SLC8A1: variants seen among roughly 807,000 people sequenced by gnomAD.
SLC8A1 encodes solute carrier family 8 member A1.
Under a neutral mutation model 68.3 loss-of-function variants are expected in SLC8A1, and 18 were observed. That is an observed-to-expected ratio of 0.26 (90% CI 0.18 to 0.39). The LOEUF (loss-of-function observed/expected upper bound fraction) is 0.39. Among genes scored for constraint, SLC8A1 ranks in the 10% least tolerant of loss-of-function variants. SLC8A1 has a pLI of 1.00. For synonymous variants in SLC8A1, 475 were observed against 415.5 expected (o/e 1.14, Z -1.74); for missense variants, 985 against 1,156.7 (o/e 0.85, Z 2.15).
At chr2:40,425,744 C>T (rs1038286876) in intron 2 of SLC8A1, among the ~76,000 whole-genome samples, 1 of 151,802 alleles carries the variant, frequency 6.6e-6, no homozygotes, top group Admixed American at 6.6e-5. Context: ...CGATGACAAA[C>T]TCTTTCACTT....
intron 2 of SLC8A1, among the ~76,000 whole-genome samples, chr2:40,408,085 G>A (rs1425717172): frequency 1.3e-5 from 2 of 152,194 alleles, no homozygotes; most frequent in Non-Finnish European, 2.9e-5. Flanking sequence ...CAGAATGTCA[G>A]TTTAGCCACA....
intron 6 of SLC8A1, among the ~76,000 whole-genome samples, chr2:40,143,352 A>G (rs1446273510): frequency 6.6e-6 from 1 of 152,254 alleles, no homozygotes; most frequent in Non-Finnish European, 1.5e-5. Flanking sequence ...AGCAAAAATG[A>G]TGGTAGGATG....
intron 3 of SLC8A1, chr2:40,175,983 CCTT>C: frequency 2.2e-6 from 1 of 449,724 alleles, no homozygotes; most frequent in Non-Finnish European, 4.5e-6. Flanking sequence ...TAACCAGAAT[CCTT>C]CTAGTGGACA....
intron 2 of SLC8A1, among the ~76,000 whole-genome samples, chr2:40,210,845 G>A (rs1377703282): frequency 6.6e-6 from 1 of 152,116 alleles, no homozygotes; most frequent in Non-Finnish European, 1.5e-5. Context: ...AAGGCCTGTT[G>A]ACCTTTACCT....
chr2:40,337,460 A>T (rs950150014), intron 2 of SLC8A1: 4 of 222,066 alleles, frequency 1.8e-5, no homozygotes, highest in African/African-American at 8.9e-5. Flanking sequence ...GAAGTCAGGT[A>T]AAAAAAGGAA....
chr2:40,311,501 G>C (rs1056607505), intron 2 of SLC8A1, among the ~76,000 whole-genome samples: 3 of 152,020 alleles, frequency 2.0e-5, no homozygotes, highest in Non-Finnish European at 4.4e-5. Flanking sequence ...GAACTCAAAA[G>C]TTTAGTAACA....
chr2:40,312,073 A>T (rs988399435), intron 2 of SLC8A1, among the ~76,000 whole-genome samples: 3 of 152,092 alleles, frequency 2.0e-5, no homozygotes, highest in African/African-American at 7.2e-5. Flanking sequence ...TAGACAAAAA[A>T]TTCATGGTTA....
chr2:40,431,897 C>A (rs1372390821), intron 1 of SLC8A1, among the ~76,000 whole-genome samples: 1 of 152,116 alleles, frequency 6.6e-6, no homozygotes, highest in African/African-American at 2.4e-5. Flanking sequence ...CCACCATAGA[C>A]TAAAGCCCTT....
chr2:40,400,473 A>C (rs1384452044), intron 2 of SLC8A1, among the ~76,000 whole-genome samples: 1 of 152,220 alleles, frequency 6.6e-6, no homozygotes, highest in Admixed American at 6.5e-5. Context: ...TGGCAAATGT[A>C]TTTCAAATCA....
At chr2:40,337,160 A>G (rs140405427) in intron 2 of SLC8A1, among the ~76,000 whole-genome samples, 1 of 152,210 alleles carries the variant, frequency 6.6e-6, no homozygotes, top group Non-Finnish European at 1.5e-5. Flanking sequence ...CATAGTTTAC[A>G]GTGCTGTGTA....
Position 40,267,355 on chromosome 2 carries a change from G to T in SLC8A1, c.1809-89500C>A, listed in dbSNP as rs866288705. ...CTAGAAAGTTAGTAACATATACTTA[G>T]TGAGTAAGCTTGTAACACATACGAG... On this transcript the variant is annotated intron_variant, in intron 2 of 7. Transcript: ENST00000406785. Among the ~76,000 whole-genome samples, 3 of 152,190 alleles carry T rather than the reference G, an allele frequency of 2.0e-5. No homozygotes were observed. In the South Asian group the frequency reaches 6.2e-4, roughly 31 times the overall value.
chr2:40,373,514 G>T (rs1678821587), intron 2 of SLC8A1, among the ~76,000 whole-genome samples: 2 of 152,012 alleles, frequency 1.3e-5, no homozygotes, highest in Non-Finnish European at 2.9e-5. Context: ...TGGGAGGTGG[G>T]GACTAAGAGC....
chr2:40,156,356 TGGA>T (rs1445550651), intron 6 of SLC8A1, among the ~76,000 whole-genome samples: 2 of 150,808 alleles, frequency 1.3e-5, no homozygotes, highest in African/African-American at 4.9e-5. Flanking sequence ...CCAAAACTGC[TGGA>T]GTTTTTTTTT....
intron 2 of SLC8A1, among the ~76,000 whole-genome samples, chr2:40,241,205 G>A (rs1001524496): frequency 1.3e-5 from 2 of 152,088 alleles, no homozygotes; most frequent in Non-Finnish European, 1.5e-5. Context: ...GCAGTGATAT[G>A]GATGCAAGTG....
At chr2:40,410,471 TTAGAGA>T (rs1441661778) in intron 2 of SLC8A1, among the ~76,000 whole-genome samples, 2 of 152,028 alleles carry the variant, frequency 1.3e-5, no homozygotes, top group South Asian at 2.1e-4. Context: ...GAAGAAAACT[TTAGAGA>T]TAATCTATTT....
At chr2:40,374,688 T>A (rs1679230070) in intron 2 of SLC8A1, among the ~76,000 whole-genome samples, 1 of 151,936 alleles carries the variant, frequency 6.6e-6, no homozygotes, top group Non-Finnish European at 1.5e-5. Context: ...TTTCCCAGCC[T>A]GGCCTGACAC....
intron 2 of SLC8A1, among the ~76,000 whole-genome samples, chr2:40,204,488 C>G (rs1167648683): frequency 6.6e-6 from 1 of 151,898 alleles, no homozygotes; most frequent in Non-Finnish European, 1.5e-5. Flanking sequence ...GAAAAACAAC[C>G]ATATGGACCT....
chr2:40,105,184 T>C (rs2034118617), exon 8 of SLC8A1: 1 of 152,218 alleles, frequency 6.6e-6, no homozygotes, highest in Non-Finnish European at 1.5e-5. Flanking sequence ...AATATTCCAC[T>C]GGGAACCATG....
chr2:40,404,246 G>A (rs550247067), intron 2 of SLC8A1, among the ~76,000 whole-genome samples: 1 of 152,070 alleles, frequency 6.6e-6, no homozygotes, highest in African/African-American at 2.4e-5. Context: ...TGGAAGAAAG[G>A]CTTCTTTGTA....
Sources: allele counts gnomAD v4.1 joint callset (sites outside exome capture counted in the v4.1 genomes callset), GRCh38; gene constraint gnomAD v4.1.1; transcripts MANE v1.5; gene names NCBI Gene and HGNC (gene_info 2026-07-23, HGNC 2026-07-21).